TMEM192: variants seen among roughly 807,000 people sequenced by gnomAD.
TMEM192 encodes transmembrane protein 192.
Under a neutral mutation model 26.7 loss-of-function variants are expected in TMEM192, and 20 were observed. That is an observed-to-expected ratio of 0.75 (90% CI 0.53 to 1.09). The LOEUF is 1.09. Ranked by LOEUF, TMEM192 falls within the 50% of genes least tolerant of loss-of-function variation. The pLI, the probability that TMEM192 is intolerant of heterozygous loss-of-function variation, is 0.00. For missense variants in TMEM192, 304 were observed against 322.6 expected (o/e 0.94, Z 0.44); for synonymous variants, 124 against 121.0 (o/e 1.02, Z -0.16).
intron 3 of TMEM192, among the ~76,000 whole-genome samples, chr4:165,091,549 T>C (rs1734764995): frequency 6.6e-6 from 1 of 152,162 alleles, no homozygotes; most frequent in Non-Finnish European, 1.5e-5. Context: ...AAAAGCAGTT[T>C]TTTCAGACAA....
intron 4 of TMEM192, 138 bp from the exon 5 acceptor site, chr4:165,085,826 C>A (rs929975936): frequency 3.3e-6 from 2 of 610,358 alleles, no homozygotes; most frequent in Non-Finnish European, 2.8e-6. Flanking sequence ...CTGTTCTAAG[C>A]CCTGGGAATA....
chr4:165,093,246 G>A (rs528551405), intron 3 of TMEM192, among the ~76,000 whole-genome samples: 22 of 151,706 alleles, frequency 1.5e-4, no homozygotes, highest in Non-Finnish European at 2.8e-4. Context: ...ACAGATGCCC[G>A]CCACCATGCC....
intron 1 of TMEM192, among the ~76,000 whole-genome samples, chr4:165,108,674 G>A (rs1735224590): frequency 6.6e-6 from 1 of 152,162 alleles, no homozygotes; most frequent in Non-Finnish European, 1.5e-5. Flanking sequence ...CTTTTAGGTG[G>A]TTCTTTATGA....
At chr4:165,090,479 A>G (rs1304916558) in intron 3 of TMEM192, among the ~76,000 whole-genome samples, 1 of 152,056 alleles carries the variant, frequency 6.6e-6, no homozygotes, top group Non-Finnish European at 1.5e-5. Context: ...AAGCTCCTGT[A>G]CTTGGGACCC....
At position 165,071,727 on chromosome 4, in the gene TMEM192, G is replaced by A. The variant is rs987635607; in HGVS notation, c.*7931C>T. 1 of 152,018 alleles carries A rather than the reference G, an allele frequency of 6.6e-6. No individual in the cohort carries two copies. Among genetic ancestry groups the A allele is most frequent in the African/African-American group, 2.4e-5 (1 of 41,220 alleles). 9.4% of individuals were successfully genotyped at this position (152,018 alleles called of 1,614,324 possible). ...CAAAAGCCACAGTGTGACCGACGCA[G>A]GGTACACAAAGGAAGAGTAGGAGAG... On this transcript the variant is annotated 3_prime_UTR_variant, in exon 6 of 6. Transcript: ENST00000306480.
rs1578896525 is a variant in TMEM192, at chr4:165,078,378, G to A, written c.*1280C>T. 6.6e-6 allele frequency: 1 copy of A among 152,040 alleles called. No individual in the cohort carries two copies. Among genetic ancestry groups the A allele is most frequent in the Non-Finnish European group, 1.5e-5 (1 of 68,004 alleles). The allele number at this position is 152,040 out of a possible 1,614,324, so 9.4% of individuals were successfully genotyped here. On this transcript the variant is annotated 3_prime_UTR_variant, in exon 6 of 6. Coordinates refer to ENST00000306480, the MANE Select transcript of TMEM192 (RefSeq NM_001100389.2). ...ACTGACAAATTAAAGGGGCATACTA[G>A]GAAAAATGGAGAAATAATGCCATTT...
rs985882880 is a variant in TMEM192, at chr4:165,096,206, G to A, written c.439+4422C>T. On this transcript the variant is annotated intron_variant, in intron 3 of 5. Transcript: ENST00000306480. Reference sequence around the variant, plus strand: ...GCGGATCACCTGAGGTTAGGAGTTCGAGACCAGCCTGGCCAACATGGTGAA... The same window carrying A: ...GCGGATCACCTGAGGTTAGGAGTTCAAGACCAGCCTGGCCAACATGGTGAA... Among the ~76,000 whole-genome samples, 4 of 151,942 alleles carry A rather than the reference G, an allele frequency of 2.6e-5. No individual in the cohort carries two copies. In the East Asian group the frequency reaches 5.9e-4, roughly 23 times the overall value.
intron 1 of TMEM192, among the ~76,000 whole-genome samples, chr4:165,104,536 T>C (rs1173615562): frequency 6.6e-6 from 1 of 152,076 alleles, no homozygotes; most frequent in African/African-American, 2.4e-5. Flanking sequence ...GTTTTGTTTG[T>C]TTGTTTGTTT....
chr4:165,112,683 G>T, intron 1 of TMEM192, 64 bp downstream of exon 1: 1 of 1,597,962 alleles, frequency 6.3e-7, no homozygotes, highest in Non-Finnish European at 8.5e-7. Context: ...TCTCCGCCCC[G>T]TGCGCCCCGG....
intron 3 of TMEM192, among the ~76,000 whole-genome samples, chr4:165,097,635 A>AG (rs1197835956): frequency 3.8e-5 from 5 of 130,926 alleles, no homozygotes; most frequent in Admixed American, 2.4e-4. Context: ...TTTTTTATAG[A>AG]GGGGGGTGTC....
intron 2 of TMEM192, among the ~76,000 whole-genome samples, chr4:165,101,865 AGG>A (rs1039875183): frequency 6.6e-6 from 1 of 152,182 alleles, no homozygotes; most frequent in Admixed American, 6.6e-5. Context: ...AAATGTGCTG[AGG>A]GATACGGTCC....
At chr4:165,110,668 G>A (rs1000464925) in intron 1 of TMEM192, among the ~76,000 whole-genome samples, 1 of 152,196 alleles carries the variant, frequency 6.6e-6, no homozygotes, top group Non-Finnish European at 1.5e-5. Context: ...TCGTACCATT[G>A]CACTCCAACC....
intron 3 of TMEM192, among the ~76,000 whole-genome samples, chr4:165,088,970 G>A (rs1267630949): frequency 7.1e-6 from 1 of 141,834 alleles, no homozygotes; most frequent in African/African-American, 2.6e-5. Flanking sequence ...GAGCCTGGGA[G>A]GTTGAGGCTG....
chr4:165,088,521 G>A lies in TMEM192; in HGVS notation c.521C>T (p.Ala174Val), dbSNP rs771046046. ...PGRLYLDLIL[A>V]ILALELICSL... ...ACAGATGAGTTCCAGTGCCAAGATG[G>A]CCAGAATGAGGTCAAGATACAATCT... is the stretch of plus-strand genomic sequence containing the variant. Residue 174 changes from alanine to valine, a missense_variant, in exon 4 of 6, where the codon GCC (alanine) becomes GTC (valine). Physicochemically the swap from Ala to Val is moderately conservative, Grantham distance 64. Coordinates refer to ENST00000306480, the MANE Select transcript of TMEM192 (RefSeq NM_001100389.2). 3.7e-5 allele frequency: 59 copies of A among 1,613,468 alleles called. No individual in the cohort carries two copies. Among genetic ancestry groups the A allele is most frequent in the Non-Finnish European group, 4.3e-5 (51 of 1,179,754 alleles).
rs540183834 is a variant in TMEM192 at position 165,100,311 on chromosome 4, C to T, written c.439+317G>A. ...AGTAGCTGGGATTACAGGCATGCACCACCACGCCCAGCTAATTTTTGTATT... is the reference window on the plus strand; with the variant it reads ...AGTAGCTGGGATTACAGGCATGCACTACCACGCCCAGCTAATTTTTGTATT... On this transcript the variant is annotated intron_variant, in intron 3 of 5. Transcript: ENST00000306480. Among the ~76,000 whole-genome samples, 101 of 152,108 alleles carry T rather than the reference C, an allele frequency of 6.6e-4. 2 individuals are homozygous for T. The South Asian group carries it at 0.02, about 31-fold the overall frequency.
rs1019239048 is a variant in TMEM192 at position 165,112,841 on chromosome 4, C to T, written c.-68G>A. On this transcript the variant is annotated 5_prime_UTR_variant, in exon 1 of 6. Coordinates refer to ENST00000306480, the MANE Select transcript of TMEM192 (RefSeq NM_001100389.2). ...CCACCTGGACCTGTAAGCCTCTGGC[C>T]GCGAAACTCGCCACCTTCTGGGACC... The T allele has an allele frequency of 6.4e-7, 1 of 1,567,412 alleles. No individual in the cohort carries two copies. The highest frequency in any genetic ancestry group is 1.8e-5 in the Admixed American group (1 of 56,232).
At position 165,079,591 on chromosome 4, in the gene TMEM192, G is replaced by C. The variant is rs1190633092; in HGVS notation, c.*67C>G. 1 of 1,510,232 alleles carries C rather than the reference G, an allele frequency of 6.6e-7. No homozygotes were observed. The highest frequency in any genetic ancestry group is 8.9e-7 in the Non-Finnish European group (1 of 1,123,000). The allele number at this position is 1,510,232 out of a possible 1,614,324, so 93.6% of individuals were successfully genotyped here. A position where few individuals can be genotyped will look rare whatever the true frequency, so the allele number is the denominator to read the frequency against. The stretch of plus-strand genomic sequence containing the variant: ...AAGCTGCAGTTCCCCGTGGCAGCTT[G>C]TCAGGTGGTCAGTCAGTCTCAATTA... On this transcript the variant is annotated 3_prime_UTR_variant, in exon 6 of 6. Coordinates refer to ENST00000306480, the MANE Select transcript of TMEM192 (RefSeq NM_001100389.2).
rs1734274242 is a variant in TMEM192 at position 165,071,586 on chromosome 4, C to T, written c.*8072G>A. Reference sequence around the variant, plus strand: ...GGGATTACAGGGGTTAGCCACCACACCTGGCCACAAGTGACATTTGAACAA... The same window carrying T: ...GGGATTACAGGGGTTAGCCACCACATCTGGCCACAAGTGACATTTGAACAA... On this transcript the variant is annotated 3_prime_UTR_variant, in exon 6 of 6. Coordinates refer to ENST00000306480, the MANE Select transcript of TMEM192 (RefSeq NM_001100389.2). The T allele has an allele frequency of 6.6e-6, 1 of 152,456 alleles. No individual in the cohort carries two copies. Among genetic ancestry groups the T allele is most frequent in the Middle Eastern group, 3.4e-3 (1 of 296 alleles). The allele number at this position is 152,456 out of a possible 1,614,324, so 9.4% of individuals were successfully genotyped here. A position where few individuals can be genotyped will look rare whatever the true frequency, so the allele number is the denominator to read the frequency against.
chr4:165,093,823 A>G (rs1734828468), intron 3 of TMEM192, among the ~76,000 whole-genome samples: 1 of 152,046 alleles, frequency 6.6e-6, no homozygotes. Context: ...CCCCAGTTCA[A>G]GCAATTCTTG....
Sources: allele counts gnomAD v4.1 joint callset (sites outside exome capture counted in the v4.1 genomes callset), GRCh38; gene constraint gnomAD v4.1.1; transcripts MANE v1.5; gene names NCBI Gene and HGNC (gene_info 2026-07-23, HGNC 2026-07-21).